DNAJB4: variants seen among roughly 807,000 people sequenced by gnomAD.
DNAJB4 encodes DnaJ heat shock protein family (Hsp40) member B4.
In DNAJB4, 10 loss-of-function variants were observed where a neutral mutation model predicts 26.6. The ratio of observed to expected loss-of-function variants is 0.38; its 90% CI spans 0.23 to 0.64. The LOEUF is 0.64. Ranked by LOEUF, DNAJB4 falls within the 30% of genes least tolerant of loss-of-function variation. DNAJB4 has a pLI of 0.58. For missense variants in DNAJB4, 328 were observed against 408.2 expected, an observed-to-expected ratio of 0.80 and a Z score of 1.69; for synonymous variants, 136 against 134.8, an observed-to-expected ratio of 1.01 and a Z score of -0.06.
At chr1:78,015,574 A>T (rs1461371506) in intron 2 of DNAJB4, among the ~76,000 whole-genome samples, 5 of 56,422 alleles carry the variant, frequency 8.9e-5, no homozygotes, top group Admixed American at 2.1e-4. Flanking sequence ...TTTTTGAGAC[A>T]GTTTTGCTCT....
intron 1 of DNAJB4, among the ~76,000 whole-genome samples, chr1:78,007,737 G>A (rs918595911): frequency 1.3e-5 from 2 of 152,168 alleles, no homozygotes; most frequent in African/African-American, 2.4e-5. Flanking sequence ...TAGATACACT[G>A]TGAAAGTAGG....
At chr1:77,984,009 A>G (rs1365698746) in intron 1 of DNAJB4, among the ~76,000 whole-genome samples, 2 of 152,206 alleles carry the variant, frequency 1.3e-5, no homozygotes, top group African/African-American at 4.8e-5. Flanking sequence ...TGTTAAAATA[A>G]TTAAATGGGA....
intron 1 of DNAJB4, among the ~76,000 whole-genome samples, chr1:77,991,166 G>C (rs1223472418): frequency 6.6e-6 from 1 of 152,088 alleles, no homozygotes; most frequent in Non-Finnish European, 1.5e-5. Flanking sequence ...CTACACACAT[G>C]CCCTATTTGC....
At chr1:78,001,596 TAAAGTC>T, upstream of DNAJB4, among the ~76,000 whole-genome samples, 1 of 152,304 alleles carries the variant, frequency 6.6e-6, no homozygotes, top group East Asian at 1.9e-4. Flanking sequence ...TATATATGAA[TAAAGTC>T]AAAGTAGAAG....
At chr1:77,999,870 GATAA>G (rs1323710828) in intron 1 of DNAJB4, among the ~76,000 whole-genome samples, 1 of 152,134 alleles carries the variant, frequency 6.6e-6, no homozygotes, top group Admixed American at 6.5e-5. Context: ...AAGAGGAATT[GATAA>G]ATAATGGTTT....
intron 1 of DNAJB4, among the ~76,000 whole-genome samples, chr1:77,995,255 G>C (rs4372306): frequency 0.9 from 136,867 of 152,216 alleles, 61,645 homozygotes; most frequent in Non-Finnish European, 0.93. Context: ...TTTCACGTTT[G>C]TTTTTACTTT....
intron 2 of DNAJB4, among the ~76,000 whole-genome samples, chr1:78,014,795 T>G (rs981767848): frequency 1.3e-5 from 2 of 152,024 alleles, no homozygotes; most frequent in African/African-American, 4.8e-5. Context: ...GCGATAGGTT[T>G]TCACCATGTT....
intron 1 of DNAJB4, among the ~76,000 whole-genome samples, chr1:77,991,499 C>T (rs1659930399): frequency 6.6e-6 from 1 of 152,144 alleles, no homozygotes; most frequent in African/African-American, 2.4e-5. Context: ...GTAATCCCAC[C>T]ACCTTGGGAG....
chr1:77,983,921 A>G (rs56136178), intron 1 of DNAJB4, among the ~76,000 whole-genome samples: 7,385 of 152,216 alleles, frequency 0.049, 401 homozygotes, highest in African/African-American at 0.14. Flanking sequence ...CTTATTTTTA[A>G]TGGCTTGCAG....
intron 1 of DNAJB4, among the ~76,000 whole-genome samples, chr1:77,998,842 C>CTAAA (rs34957865): frequency 0.67 from 101,215 of 150,098 alleles, 35,212 homozygotes; most frequent in East Asian, 0.8. Context: ...GATCCTGTCT[C>CTAAA]TAAATAAATA....
intron 1 of DNAJB4, among the ~76,000 whole-genome samples, chr1:77,986,664 A>T (rs1659799270): frequency 6.6e-6 from 1 of 152,206 alleles, no homozygotes; most frequent in Non-Finnish European, 1.5e-5. Flanking sequence ...CAAATTCTTT[A>T]ACCTTTTTTG....
intron 1 of DNAJB4, 55 bp downstream of exon 1, chr1:78,005,376 T>TTTTC: frequency 3.5e-6 from 4 of 1,137,896 alleles, no homozygotes; most frequent in East Asian, 3.0e-5. Flanking sequence ...TTTTTTTTTT[T>TTTTC]TCTCTCTCTC....
intron 1 of DNAJB4, among the ~76,000 whole-genome samples, chr1:77,980,988 A>G (rs1228315043): frequency 6.6e-6 from 1 of 152,166 alleles, no homozygotes; most frequent in Non-Finnish European, 1.5e-5. Flanking sequence ...GAAATTTTCC[A>G]GTTGTATTTT....
chr1:78,009,176 T>TA (rs1257244692), intron 1 of DNAJB4, among the ~76,000 whole-genome samples: 3 of 152,178 alleles, frequency 2.0e-5, no homozygotes, highest in Admixed American at 1.3e-4. Context: ...TAAAACTGTT[T>TA]AAAAAATCTC....
At chr1:78,009,845 C>T (rs575923704) in intron 1 of DNAJB4, among the ~76,000 whole-genome samples, 2 of 152,198 alleles carry the variant, frequency 1.3e-5, no homozygotes, top group Middle Eastern at 6.8e-3. Flanking sequence ...AGGCTGATCT[C>T]GAACTCCAGA....
intron 1 of DNAJB4, among the ~76,000 whole-genome samples, chr1:77,983,247 C>T (rs891922945): frequency 2.6e-5 from 4 of 152,240 alleles, no homozygotes; most frequent in Non-Finnish European, 4.4e-5. Flanking sequence ...CAGGTCCCAC[C>T]TCCAGCCCTA....
upstream of DNAJB4, among the ~76,000 whole-genome samples, chr1:78,002,352 G>A (rs755213587): frequency 2.6e-5 from 4 of 152,004 alleles, no homozygotes; most frequent in African/African-American, 4.8e-5. Context: ...TAAAGTGATC[G>A]TATTGTATAA....
At chr1:78,013,991 T>C (rs1015786983) in intron 2 of DNAJB4, among the ~76,000 whole-genome samples, 1 of 152,024 alleles carries the variant, frequency 6.6e-6, no homozygotes, top group African/African-American at 2.4e-5. Flanking sequence ...GAAAATAATT[T>C]ATAATTCACT....
intron 1 of DNAJB4, among the ~76,000 whole-genome samples, chr1:77,990,671 A>G (rs7528905): frequency 0.043 from 6,542 of 152,294 alleles, 272 homozygotes; most frequent in East Asian, 0.22. Flanking sequence ...CTTATATTCT[A>G]TACTTTCATT....
Sources: gnomAD v4.1 joint callset for allele counts (sites outside exome capture counted in the v4.1 genomes callset) on GRCh38, gnomAD v4.1.1 for gene constraint, MANE v1.5 for transcripts, NCBI Gene and HGNC (gene_info 2026-07-23, HGNC 2026-07-21) for gene names.